COBL: variants seen among roughly 807,000 people sequenced by gnomAD.
The protein encoded by COBL is cordon-bleu WH2 repeat protein, also known as protein cordon-bleu.
Under a neutral mutation model 98.8 loss-of-function variants are expected in COBL, and 51 were observed. That is an observed-to-expected ratio of 0.52 (90% CI 0.41 to 0.65). The LOEUF is 0.65. Among genes scored for constraint, COBL ranks in the 30% least tolerant of loss-of-function variants. The pLI, the probability that COBL is intolerant of heterozygous loss-of-function variation, is 0.00. For missense variants in COBL, 1,617 were observed against 1,617.5 expected, an observed-to-expected ratio of 1.00 and a Z score of 0.01; for synonymous variants, 634 against 651.7, an observed-to-expected ratio of 0.97 and a Z score of 0.41.
chr7:51,096,728 C>A (rs1795304965), intron 6 of COBL, among the ~76,000 whole-genome samples: 1 of 151,986 alleles, frequency 6.6e-6, no homozygotes, highest in African/African-American at 2.4e-5. Context: ...ACACACCAAC[C>A]AATTGGATAA....
chr7:51,282,664 T>C (rs1380407179), intron 1 of COBL, among the ~76,000 whole-genome samples: 1 of 152,066 alleles, frequency 6.6e-6, no homozygotes, highest in Non-Finnish European at 1.5e-5. Context: ...AACAGGAATA[T>C]AGAAGAACTC....
chr7:51,125,985 G>A (rs926384484), intron 6 of COBL, among the ~76,000 whole-genome samples: 2 of 152,086 alleles, frequency 1.3e-5, no homozygotes, highest in African/African-American at 2.4e-5. Flanking sequence ...TAGACGCTTC[G>A]ATTCCAAGAA....
intron 2 of COBL, among the ~76,000 whole-genome samples, chr7:51,213,555 A>G (rs1015136931): frequency 3.3e-5 from 5 of 152,076 alleles, no homozygotes; most frequent in African/African-American, 1.2e-4. Flanking sequence ...GCCCTACACA[A>G]AGGGACACAT....
At chr7:51,112,783 G>A (rs78626499) in intron 6 of COBL, among the ~76,000 whole-genome samples, 1 of 152,146 alleles carries the variant, frequency 6.6e-6, no homozygotes, top group South Asian at 2.1e-4. Flanking sequence ...AGGCAGGAAG[G>A]CACAATCAGG....
At chr7:51,211,835 G>T (rs1335057819) in intron 2 of COBL, among the ~76,000 whole-genome samples, 1 of 152,128 alleles carries the variant, frequency 6.6e-6, no homozygotes, top group Non-Finnish European at 1.5e-5. Flanking sequence ...CATTTTCATT[G>T]ACTACACAGA....
At chr7:51,126,631 C>T (rs1798230601) in intron 6 of COBL, among the ~76,000 whole-genome samples, 1 of 152,130 alleles carries the variant, frequency 6.6e-6, no homozygotes, top group African/African-American at 2.4e-5. Context: ...GGACTCCTCT[C>T]ATTCACAGTC....
At position 51,016,877 on chromosome 7, in the gene COBL, A is replaced by G. The variant is rs2128852420; in HGVS notation, c.*674T>C. On this transcript the variant is annotated 3_prime_UTR_variant, in exon 13 of 13. Coordinates refer to ENST00000265136, the MANE Select transcript of COBL (RefSeq NM_015198.5). ...CAGGACTCGGGCATGCCCTGGCCAC[A>G]TGATCACGTAGGACTGTTTTCTGGG... 1.0e-5 allele frequency: 4 copies of G among 399,150 alleles called. No homozygotes were observed. Among genetic ancestry groups the G allele is most frequent in the Non-Finnish European group, 1.8e-5 (4 of 226,528 alleles). The allele number at this position is 399,150 out of a possible 1,614,324, so 24.7% of individuals were successfully genotyped here.
At chr7:51,018,905 AATATATATATATAT>A (rs71018490) in intron 12 of COBL, among the ~76,000 whole-genome samples, 6 of 34,446 alleles carry the variant, frequency 1.7e-4, no homozygotes, top group African/African-American at 5.0e-4. Context: ...AAAAAAAAAA[AATATATATATATAT>A]ATATATATAT....
At chr7:51,252,110 G>A in intron 1 of COBL, among the ~76,000 whole-genome samples, 1 of 151,736 alleles carries the variant, frequency 6.6e-6, no homozygotes, top group African/African-American at 2.4e-5. Flanking sequence ...CAAGGTTCGT[G>A]CACTGCATTT....
chr7:51,316,502 G>A, intron 1 of COBL, 91 bp downstream of exon 1: 4 of 979,952 alleles, frequency 4.1e-6, no homozygotes, highest in East Asian at 3.7e-5. Flanking sequence ...CGGCAGAGAG[G>A]GCGCCCTGCC....
intron 5 of COBL, among the ~76,000 whole-genome samples, chr7:51,150,302 C>G (rs1431249296): frequency 6.6e-6 from 1 of 152,200 alleles, no homozygotes. Context: ...GCAGCCTAGA[C>G]AGCTTCCTAC....
At chr7:51,271,071 G>A (rs990165993) in intron 1 of COBL, among the ~76,000 whole-genome samples, 1 of 152,174 alleles carries the variant, frequency 6.6e-6, no homozygotes, top group Non-Finnish European at 1.5e-5. Flanking sequence ...GGAATGCTTG[G>A]GACAGGCCGC....
At chr7:51,293,268 A>G (rs892353831) in intron 1 of COBL, among the ~76,000 whole-genome samples, 7 of 152,242 alleles carry the variant, frequency 4.6e-5, no homozygotes, top group Non-Finnish European at 1.0e-4. Context: ...ATTTACCTCA[A>G]AGAAAGGGAA....
intron 7 of COBL, among the ~76,000 whole-genome samples, chr7:51,084,102 A>G (rs6948462): frequency 0.016 from 2,475 of 152,162 alleles, 63 homozygotes; most frequent in African/African-American, 0.056. Flanking sequence ...CATGGAATAC[A>G]GGTTATTGCT....
At chr7:51,076,435 G>A (rs1191923685) in intron 7 of COBL, among the ~76,000 whole-genome samples, 7 of 152,012 alleles carry the variant, frequency 4.6e-5, no homozygotes, top group South Asian at 2.1e-4. Context: ...CAAGTGTAGA[G>A]ATAGGATTGT....
At position 51,030,919 on chromosome 7, in the gene COBL, A is replaced by T. The variant is rs544055661; in HGVS notation, c.1407-10T>A. The T allele has an allele frequency of 1.9e-6, 3 of 1,552,166 alleles. No individual in the cohort carries two copies. In the South Asian group the frequency reaches 3.4e-5, roughly 17 times the overall value. ...GACAGCTTTTTCAGTTCTAGGGAAG[A>T]CCAAAGAGAAAGGAGCACTCATTTC... On this transcript the variant is annotated splice_polypyrimidine_tract_variant and intron_variant, in intron 8 of 12. Coordinates refer to ENST00000265136, the MANE Select transcript of COBL (RefSeq NM_015198.5).
In COBL at chr7:51,119,147, C is replaced by G. The variant is rs189837869; in HGVS notation, c.957+17011G>C. Among the ~76,000 whole-genome samples the G allele has an allele frequency of 2.0e-5, 3 of 152,246 alleles. No individual in the cohort carries two copies. In the East Asian group the frequency reaches 5.8e-4, roughly 29 times the overall value. ...CCAAAGTTACAGGGACATTATCTGA[C>G]AAATACAGAGATTCTGTCAGTTTGG... On this transcript the variant is annotated intron_variant, in intron 6 of 12. Transcript: ENST00000265136.
At position 51,253,043 on chromosome 7, in the gene COBL, C is replaced by T. The variant is rs192352756; in HGVS notation, c.42-33099G>A. Among the ~76,000 whole-genome samples, 1,146 of 152,006 alleles carry T rather than the reference C, an allele frequency of 7.5e-3. 16 individuals carry two copies. Among genetic ancestry groups the T allele is most frequent in the African/African-American group, 0.027 (1,109 of 41,454 alleles). On this transcript the variant is annotated intron_variant, in intron 1 of 12. Transcript: ENST00000265136. ...TTCGAGACCAGACTGCTCAACATGA[C>T]AAAACCCCGTCTCTACTAAAAAATA...
intron 6 of COBL, among the ~76,000 whole-genome samples, chr7:51,087,876 C>T (rs1412408275): frequency 6.6e-6 from 1 of 150,542 alleles, no homozygotes; most frequent in Non-Finnish European, 1.5e-5. Flanking sequence ...TTTTTGAGAC[C>T]TTCAAAATGT....
Sources: gnomAD v4.1 joint callset for allele counts (sites outside exome capture counted in the v4.1 genomes callset) on GRCh38, gnomAD v4.1.1 for gene constraint, MANE v1.5 for transcripts, NCBI Gene and HGNC (gene_info 2026-07-23, HGNC 2026-07-21) for gene names.